Variants in ARHGEF33 observed in about 807,000 individuals in gnomAD.
ARHGEF33 encodes the protein Rho guanine nucleotide exchange factor 33, also known as DH and coiled-coil domain-containing protein ENSP00000381780.
ARHGEF33 carries 72 observed loss-of-function variants against 101.9 expected under a neutral mutation model. That is an observed-to-expected ratio of 0.71 (90% CI 0.58 to 0.86). The LOEUF (loss-of-function observed/expected upper bound fraction) is 0.86, where lower values mean the gene tolerates loss of function less well. Ranked by LOEUF, ARHGEF33 falls within the 40% of genes least tolerant of loss-of-function variation. The pLI is 0.00. For synonymous variants in ARHGEF33, 499 were observed against 442.5 expected, an observed-to-expected ratio of 1.13 and a Z score of -1.60; for missense variants, 1,169 against 1,111.3, an observed-to-expected ratio of 1.05 and a Z score of -0.74.
Position 38,960,288 on chromosome 2 carries a change from C to A in ARHGEF33, c.1983C>A (p.Ser661Arg). The change falls in exon 16 of 18, where the codon AGC (serine) becomes AGA (arginine). Residue 661 changes from serine (S) to arginine (R), a missense_variant. Physicochemically the swap from Ser to Arg is moderately radical, Grantham distance 110. Transcript: ENST00000409978. ...ACATCTGCTTCCTGCGGCCCGTCAG[C>A]TTCGCCATGGAGGCCGAGCGGCCGG... is the stretch of plus-strand genomic sequence containing the variant. ...SLDICFLRPV[S>R]FAMEAERPEH... 6.5e-7 allele frequency: 1 copy of A among 1,547,060 alleles called. No individual in the cohort carries two copies.
At chr2:38,905,223 C>G (rs1484749828) in intron 2 of ARHGEF33, among the ~76,000 whole-genome samples, 1 of 151,036 alleles carries the variant, frequency 6.6e-6, no homozygotes, top group Non-Finnish European at 1.5e-5. Flanking sequence ...TCCTTAAAGA[C>G]CTGAATACTA....
At chr2:38,953,270 A>G (rs1439323644) in intron 12 of ARHGEF33, 25 bp downstream of exon 12, 5 of 1,243,544 alleles carry the variant, frequency 4.0e-6, no homozygotes, top group Non-Finnish European at 4.6e-6. Context: ...TATATATGCT[A>G]TCCTTCATCT....
At chr2:38,917,762 A>C (rs894671292) in intron 2 of ARHGEF33, among the ~76,000 whole-genome samples, 1 of 151,582 alleles carries the variant, frequency 6.6e-6, no homozygotes, top group Admixed American at 6.6e-5. Flanking sequence ...CCAGGAGTTC[A>C]AGGCTCCAGT....
At position 38,935,821 on chromosome 2, in the gene ARHGEF33, A is replaced by C. The variant is rs756265410; in HGVS notation, c.552A>C (p.Gly184=). 1.5e-5 allele frequency: 23 copies of C among 1,551,656 alleles called. No individual in the cohort carries two copies. Among genetic ancestry groups the C allele is most frequent in the Middle Eastern group, 1.7e-4 (1 of 6,018 alleles). Residue 184 remains glycine, a synonymous_variant, in exon 8 of 18, where the codon GGA becomes GGC. Coordinates refer to ENST00000409978, the MANE Select transcript of ARHGEF33 (RefSeq NM_001145451.5). ...ATGTAGGAGACAGTAATGTAAAAGG[A>C]ATGATGGGTCCTGGTAAGTGACTCT... is the stretch of plus-strand genomic sequence containing the variant. ...SVHVGDSNVK[G]MMGPGVNPTT...
chr2:38,933,029 A>T (rs1667041887), intron 7 of ARHGEF33, among the ~76,000 whole-genome samples: 2 of 152,248 alleles, frequency 1.3e-5, no homozygotes, highest in South Asian at 4.1e-4. Flanking sequence ...ACTGTTGATA[A>T]AATGGTACAA....
At chr2:38,921,494 A>G in intron 4 of ARHGEF33, 71 bp downstream of exon 4, 1 of 1,064,006 alleles carries the variant, frequency 9.4e-7, no homozygotes. Context: ...TTATGTGTAC[A>G]CGTTTTTAGC....
intron 1 of ARHGEF33, among the ~76,000 whole-genome samples, chr2:38,890,968 G>GTTTTTTTTTTTTTTTTTTT (rs11380408): frequency 1.4e-5 from 2 of 145,012 alleles, no homozygotes; most frequent in African/African-American, 5.1e-5. Flanking sequence ...CATACTATTG[G>GTTTTTTTTTTTTTTTTTTT]TTTTTTTTTT....
At chr2:38,896,523 A>T (rs1257889671) in intron 2 of ARHGEF33, among the ~76,000 whole-genome samples, 2 of 152,224 alleles carry the variant, frequency 1.3e-5, no homozygotes, top group Non-Finnish European at 2.9e-5. Flanking sequence ...GAAGTTATGT[A>T]TTCTGAGTTC....
At chr2:38,926,466 G>GT (rs1287945471) in intron 4 of ARHGEF33, among the ~76,000 whole-genome samples, 2 of 152,172 alleles carry the variant, frequency 1.3e-5, no homozygotes, top group Non-Finnish European at 2.9e-5. Context: ...GTGACATGTT[G>GT]TATCAGGTGT....
chr2:38,935,566 G>A (rs1224320380), intron 7 of ARHGEF33, among the ~76,000 whole-genome samples: 1 of 152,050 alleles, frequency 6.6e-6, no homozygotes, highest in Non-Finnish European at 1.5e-5. Context: ...ATTTCTTATT[G>A]TAATCCTTGA....
chr2:38,920,633 C>A (rs1355065119), intron 3 of ARHGEF33, among the ~76,000 whole-genome samples: 2 of 152,048 alleles, frequency 1.3e-5, no homozygotes, highest in African/African-American at 2.4e-5. Context: ...GTCTTGAACT[C>A]CTAACCTCAG....
At chr2:38,971,617 G>A (rs890512593) in intron 17 of ARHGEF33, among the ~76,000 whole-genome samples, 19 of 152,140 alleles carry the variant, frequency 1.2e-4, no homozygotes, top group Admixed American at 9.8e-4. Context: ...ATATGTAAGC[G>A]TTATAAAGAG....
intron 11 of ARHGEF33, among the ~76,000 whole-genome samples, chr2:38,951,560 A>G (rs1390986768): frequency 2.0e-5 from 3 of 152,062 alleles, no homozygotes; most frequent in African/African-American, 7.3e-5. Context: ...TGAACCCAGG[A>G]CTTCAAAACT....
intron 4 of ARHGEF33, among the ~76,000 whole-genome samples, chr2:38,922,933 G>T (rs188823219): frequency 3.3e-5 from 5 of 152,292 alleles, no homozygotes; most frequent in Non-Finnish European, 1.5e-5. Flanking sequence ...TTCACTCAGT[G>T]CTGCTTTGAT....
chr2:38,932,990 C>T (rs2124386994), intron 7 of ARHGEF33, among the ~76,000 whole-genome samples: 1 of 152,300 alleles, frequency 6.6e-6, no homozygotes, highest in South Asian at 2.1e-4. Flanking sequence ...GGCTCAAGAA[C>T]CAAACACTCA....
Position 38,921,612 on chromosome 2 carries a change from A to AT in ARHGEF33, c.75+198dup, listed in dbSNP as rs891269452. Reference sequence around the variant, plus strand: ...TCACAGTGTACTTTGGAGAGAACTGATTTTTTTTTGAGACAGGGTCTTGCT... The same window carrying AT: ...TCACAGTGTACTTTGGAGAGAACTGATTTTTTTTTTGAGACAGGGTCTTGCT... On this transcript the variant is annotated intron_variant, in intron 4 of 17. Coordinates refer to ENST00000409978, the MANE Select transcript of ARHGEF33 (RefSeq NM_001145451.5). 2.3e-4 allele frequency among the ~76,000 whole-genome samples: 35 copies of AT among 151,622 alleles called. 1 individual carries two copies. In the South Asian group the frequency reaches 3.3e-3, roughly 14 times the overall value.
Position 38,958,097 on chromosome 2 carries a change from T to G in ARHGEF33, c.1434T>G (p.Ala478=). The change falls in exon 15 of 18, where the codon GCT becomes GCG. Residue 478 remains alanine, a synonymous_variant. Coordinates refer to ENST00000409978, the MANE Select transcript of ARHGEF33 (RefSeq NM_001145451.5). The stretch of plus-strand genomic sequence containing the variant: ...AGTGTGCCAATGCTGGGCAAGATGC[T>G]TCCCCCACTGCAGGTCCTGAGGCTG... ...ASQCANAGQD[A]SPTAGPEAVR... The G allele has an allele frequency of 6.4e-7, 1 of 1,552,188 alleles. No individual in the cohort carries two copies. Among genetic ancestry groups the G allele is most frequent in the Non-Finnish European group, 8.7e-7 (1 of 1,147,114 alleles).
intron 2 of ARHGEF33, among the ~76,000 whole-genome samples, chr2:38,911,008 G>A (rs1666497354): frequency 6.6e-6 from 1 of 152,140 alleles, no homozygotes; most frequent in Admixed American, 6.5e-5. Flanking sequence ...TAAAATGAAT[G>A]GAACGTGTGT....
intron 17 of ARHGEF33, among the ~76,000 whole-genome samples, chr2:38,970,203 C>T (rs1668135430): frequency 6.6e-6 from 1 of 152,144 alleles, no homozygotes; most frequent in African/African-American, 2.4e-5. Context: ...CTCATCATCA[C>T]CCTCCATTAA....
Sources: gnomAD v4.1 joint callset for allele counts (sites outside exome capture counted in the v4.1 genomes callset) on GRCh38, gnomAD v4.1.1 for gene constraint, MANE v1.5 for transcripts, NCBI Gene and HGNC (gene_info 2026-07-23, HGNC 2026-07-21) for gene names.